The following ROBO2 variants were observed in gnomAD, a reference collection of about 807,000 sequenced individuals.
ROBO2 encodes the protein roundabout homolog 2.
Under a neutral mutation model 160.8 loss-of-function variants are expected in ROBO2, and 53 were observed. The observed-to-expected ratio is 0.33, with a 90% CI of 0.26 to 0.41. The LOEUF is 0.41. Ranked by LOEUF, ROBO2 falls within the 10% of genes least tolerant of loss-of-function variation. ROBO2 has a pLI of 1.00. For missense variants in ROBO2, 1,577 were observed against 1,722.4 expected (o/e 0.92, Z 1.49); for synonymous variants, 664 against 611.7 (o/e 1.09, Z -1.26).
intron 2 of ROBO2, among the ~76,000 whole-genome samples, chr3:77,154,907 T>A (rs1302529444): frequency 6.6e-6 from 1 of 151,924 alleles, no homozygotes; most frequent in Non-Finnish European, 1.5e-5. Context: ...AAAAGCTACC[T>A]ATTGGGTACT....
intron 2 of ROBO2, among the ~76,000 whole-genome samples, chr3:76,602,555 G>C (rs186473613): frequency 2.0e-5 from 3 of 152,234 alleles, no homozygotes; most frequent in Non-Finnish European, 4.4e-5. Context: ...TGCGAATCAA[G>C]TGAAAGGGGT....
At chr3:77,391,049 C>T (rs146953884) in intron 2 of ROBO2, among the ~76,000 whole-genome samples, 17 of 152,118 alleles carry the variant, frequency 1.1e-4, no homozygotes, top group African/African-American at 4.1e-4. Flanking sequence ...TCACTGCATC[C>T]CCCTCAAAAG....
At chr3:76,106,583 T>A (rs1421367518) in intron 2 of ROBO2, among the ~76,000 whole-genome samples, 1 of 152,076 alleles carries the variant, frequency 6.6e-6, no homozygotes, top group African/African-American at 2.4e-5. Flanking sequence ...AGAGACCAGA[T>A]AAATTTACTC....
chr3:76,684,282 G>A lies in ROBO2; in HGVS notation c.110-413732G>A, dbSNP rs564306185. ...CCTCAGTTGGAAGCTATAGGGCCTC[G>A]CTGGGTTCTAGAAAAGCTGTAAGGT... On this transcript the variant is annotated intron_variant, in intron 2 of 26. Coordinates refer to the ROBO2 transcript ENST00000487694. 3.9e-5 allele frequency among the ~76,000 whole-genome samples: 6 copies of A among 152,086 alleles called. No individual in the cohort carries two copies. In the South Asian group the frequency reaches 1.0e-3, roughly 26 times the overall value.
At chr3:76,926,029 T>C (rs1027265912) in intron 2 of ROBO2, among the ~76,000 whole-genome samples, 1 of 152,202 alleles carries the variant, frequency 6.6e-6, no homozygotes, top group Non-Finnish European at 1.5e-5. Flanking sequence ...AATCTATCTT[T>C]TGATTTCTGT....
chr3:76,516,947 G>A (rs1330822370), intron 2 of ROBO2, among the ~76,000 whole-genome samples: 1 of 152,118 alleles, frequency 6.6e-6, no homozygotes, highest in Non-Finnish European at 1.5e-5. Context: ...TTGCTCTAAA[G>A]AGACAGCGAT....
intron 2 of ROBO2, among the ~76,000 whole-genome samples, chr3:77,342,650 C>T (rs901308035): frequency 6.6e-6 from 1 of 152,202 alleles, no homozygotes; most frequent in African/African-American, 2.4e-5. Flanking sequence ...TGGTATTGTC[C>T]TTTTGATGAA....
At chr3:77,318,140 C>T (rs1432393560) in intron 2 of ROBO2, among the ~76,000 whole-genome samples, 5 of 152,008 alleles carry the variant, frequency 3.3e-5, no homozygotes, top group African/African-American at 4.8e-5. Context: ...CTCCGCCTCC[C>T]GAGTTCAAGC....
chr3:77,484,420 G>A (rs1210053844), intron 4 of ROBO2, among the ~76,000 whole-genome samples: 1 of 151,160 alleles, frequency 6.6e-6, no homozygotes, highest in Non-Finnish European at 1.5e-5. Context: ...TGCAATACAC[G>A]AAAACTTATT....
At chr3:77,645,768 T>G (rs899116258) in intron 25 of ROBO2, among the ~76,000 whole-genome samples, 2 of 152,200 alleles carry the variant, frequency 1.3e-5, no homozygotes, top group Non-Finnish European at 2.9e-5. Context: ...TTTAATTTGA[T>G]TCATAACTAC....
Position 76,852,010 on chromosome 3 carries a change from A to G in ROBO2, c.110-246004A>G, listed in dbSNP as rs1380516427. Among the ~76,000 whole-genome samples the G allele has an allele frequency of 2.0e-5, 3 of 152,222 alleles. No homozygotes were observed. In the East Asian group the frequency reaches 5.8e-4, roughly 30 times the overall value. ...AAACTACAGAGTAAAAGCATAAAAA[A>G]GACAGTCACCCATGGTTTCCAGGAT... On this transcript the variant is annotated intron_variant, in intron 2 of 26. Coordinates refer to the ROBO2 transcript ENST00000487694.
At chr3:77,364,817 C>A (rs2070596755) in intron 2 of ROBO2, among the ~76,000 whole-genome samples, 1 of 152,068 alleles carries the variant, frequency 6.6e-6, no homozygotes, top group South Asian at 2.1e-4. Flanking sequence ...GAATGTGAAT[C>A]AATTGACAAC....
intron 2 of ROBO2, among the ~76,000 whole-genome samples, chr3:76,395,855 A>G (rs1316494610): frequency 2.0e-5 from 3 of 152,162 alleles, no homozygotes; most frequent in Admixed American, 1.3e-4. Context: ...AAAAGAGTCC[A>G]GGACCAGATG....
At chr3:76,009,641 C>CA (rs1437514704) in intron 2 of ROBO2, among the ~76,000 whole-genome samples, 2 of 152,164 alleles carry the variant, frequency 1.3e-5, no homozygotes, top group East Asian at 3.9e-4. Flanking sequence ...TAATTTTATA[C>CA]ATTTTTCTAA....
intron 2 of ROBO2, among the ~76,000 whole-genome samples, chr3:76,416,556 AT>A (rs1054833061): frequency 6.6e-6 from 1 of 152,100 alleles, no homozygotes; most frequent in Non-Finnish European, 1.5e-5. Flanking sequence ...AAATTAGTGG[AT>A]TTTTTTCTTG....
chr3:76,297,980 A>G lies in ROBO2; in HGVS notation c.109+360378A>G, dbSNP rs573314342. On this transcript the variant is annotated intron_variant, in intron 2 of 26. Transcript: ENST00000487694. ...ACAGAGACAACATTGTGAAAGATGC[A>G]TCTAAAGTGCTGAGCCCAGGTGGAT... 3.2e-4 allele frequency among the ~76,000 whole-genome samples: 49 copies of G among 152,302 alleles called. 2 individuals are homozygous for G. The South Asian group carries it at 8.7e-3, about 27-fold the overall frequency.
intron 2 of ROBO2, among the ~76,000 whole-genome samples, chr3:76,337,338 G>T (rs1024000998): frequency 4.6e-5 from 7 of 152,130 alleles, no homozygotes; most frequent in African/African-American, 9.7e-5. Context: ...AACACTATTG[G>T]TATTATCTTT....
intron 1 of ROBO2, among the ~76,000 whole-genome samples, chr3:77,094,760 G>A (rs2070810164): frequency 6.6e-6 from 1 of 151,982 alleles, no homozygotes; most frequent in African/African-American, 2.4e-5. Flanking sequence ...TTGTAGTTTC[G>A]ATTTGCATTT....
chr3:77,339,213 T>C (rs2066805908), intron 2 of ROBO2, among the ~76,000 whole-genome samples: 1 of 152,104 alleles, frequency 6.6e-6, no homozygotes, highest in Non-Finnish European at 1.5e-5. Flanking sequence ...ATATATTCCG[T>C]ATGGTTGAAG....
Sources: allele counts gnomAD v4.1 joint callset (sites outside exome capture counted in the v4.1 genomes callset), GRCh38; gene constraint gnomAD v4.1.1; transcripts MANE v1.5; gene names NCBI Gene and HGNC (gene_info 2026-07-23, HGNC 2026-07-21).